The following FBXO38 variants were observed in gnomAD, a reference collection of about 807,000 sequenced individuals.
FBXO38 encodes the protein F-box only protein 38.
FBXO38 carries 53 observed loss-of-function variants against 131.9 expected under a neutral mutation model. The ratio of observed to expected loss-of-function variants is 0.40; its 90% confidence interval spans 0.32 to 0.51. FBXO38 has a LOEUF of 0.51. Ranked by LOEUF, FBXO38 falls within the 20% of genes least tolerant of loss-of-function variation. The pLI, the probability that FBXO38 is intolerant of heterozygous loss-of-function variation, is 0.53. For synonymous variants in FBXO38, 452 were observed against 505.6 expected, an observed-to-expected ratio of 0.89 and a Z score of 1.42; for missense variants, 1,076 against 1,475.6, an observed-to-expected ratio of 0.73 and a Z score of 4.44.
chr5:148,413,593 G>C (rs1752891517), intron 9 of FBXO38: 1 of 152,142 alleles, frequency 6.6e-6, no homozygotes, highest in African/African-American at 2.4e-5. Flanking sequence ...TGACCAGAGA[G>C]TAGGCACTAA....
intron 1 of FBXO38, among the ~76,000 whole-genome samples, chr5:148,385,816 C>G (rs1757885148): frequency 1.3e-5 from 2 of 152,102 alleles, no homozygotes; most frequent in South Asian, 4.2e-4. Flanking sequence ...CCAATAGAAA[C>G]TAAAGAAAGG....
At position 148,442,313 on chromosome 5, in the gene FBXO38, TA is replaced by T. The variant is rs1422927536; in HGVS notation, c.*172del. The T allele has an allele frequency of 6.6e-6, 3 of 454,314 alleles. No individual in the cohort carries two copies. The highest frequency in any genetic ancestry group is 2.0e-5 in the African/African-American group (1 of 50,244). The allele number at this position is 454,314 out of a possible 1,614,324, so 28.1% of individuals were successfully genotyped here. A position where few individuals can be genotyped will look rare whatever the true frequency, so the allele number is the denominator to read the frequency against. ...GAAATTGTATACAAAGATTTGTACA[TA>T]AAAAATATACAAAGACGCTTCCTAA... On this transcript the variant is annotated 3_prime_UTR_variant, in exon 22 of 22. Transcript: ENST00000340253.
intron 11 of FBXO38, chr5:148,416,759 C>A: frequency 2.0e-6 from 1 of 493,130 alleles, no homozygotes; most frequent in Middle Eastern, 5.5e-4. Context: ...TGCTGTTGGG[C>A]AGATCTCTTC....
In FBXO38 at chr5:148,427,683, C is replaced by T. The variant is rs750298327; in HGVS notation, c.2389C>T (p.Pro797Ser). The T allele has an allele frequency of 1.2e-6, 2 of 1,614,078 alleles. No homozygotes were observed. Among genetic ancestry groups the T allele is most frequent in the Non-Finnish European group, 1.7e-6 (2 of 1,180,040 alleles). ...TAGCAGGTGTTCTGATGAGGAACGT[C>T]CTTCAACCAGCCGAGCCTGTGTTGT... is the stretch of plus-strand genomic sequence containing the variant. ...RTSRCSDEER[P>S]STSRACVVNG... The change falls in exon 15 of 22, where the codon CCT (proline) becomes TCT (serine). Residue 797 changes from proline (P) to serine (S), a missense_variant. Coordinates refer to ENST00000340253, the MANE Select transcript of FBXO38 (RefSeq NM_205836.3).
intron 7 of FBXO38, among the ~76,000 whole-genome samples, chr5:148,406,731 C>A (rs1752464447): frequency 6.6e-6 from 1 of 152,052 alleles, no homozygotes; most frequent in South Asian, 2.1e-4. Flanking sequence ...TGATGTTTTA[C>A]AACTTGTACA....
chr5:148,393,609 A>G (rs182671556), intron 1 of FBXO38, among the ~76,000 whole-genome samples: 8 of 152,202 alleles, frequency 5.3e-5, no homozygotes, highest in East Asian at 3.9e-4. Flanking sequence ...TCCGTGTGCA[A>G]TTCTGAGCTC....
At chr5:148,384,280 G>A (rs994329932) in intron 1 of FBXO38, among the ~76,000 whole-genome samples, 3 of 152,216 alleles carry the variant, frequency 2.0e-5, no homozygotes, top group Non-Finnish European at 4.4e-5. Context: ...CCAAAATCCA[G>A]CATAAAGAAC....
intron 2 of FBXO38, among the ~76,000 whole-genome samples, chr5:148,397,149 G>C (rs1408955018): frequency 1.3e-5 from 2 of 152,120 alleles, no homozygotes; most frequent in Non-Finnish European, 2.9e-5. Context: ...ATTCATTGTG[G>C]TGGTGTAGTA....
chr5:148,395,019 T>G (rs986486631), intron 2 of FBXO38, 115 bp downstream of exon 2: 2 of 1,109,438 alleles, frequency 1.8e-6, no homozygotes, highest in Non-Finnish European at 2.5e-6. Flanking sequence ...TTCAATTAAG[T>G]AAAAATGTAA....
rs1434711875 is a variant in FBXO38, at chr5:148,414,232, A to G, written c.1190A>G (p.Glu397Gly). ...ITDIGMKAVN[E>G]VFSCIKYLAI... ...GATATAGGGATGAAAGCAGTCAATGAAGTTTTTTCCTGTATCAAATATCTG... is the reference window on the plus strand; with the variant it reads ...GATATAGGGATGAAAGCAGTCAATGGAGTTTTTTCCTGTATCAAATATCTG... Residue 397 changes from glutamate to glycine, a missense_variant, in exon 10 of 22, where the codon GAA becomes GGA. By Grantham distance (98) the Glu-to-Gly change is moderately conservative. Transcript: ENST00000340253. 3.1e-6 allele frequency: 5 copies of G among 1,612,992 alleles called. No homozygotes were observed. The highest frequency in any genetic ancestry group is 4.2e-6 in the Non-Finnish European group (5 of 1,179,444).
In FBXO38 at chr5:148,402,454, C is replaced by T. The variant is rs764581076; in HGVS notation, c.533C>T (p.Pro178Leu). The change falls in exon 5 of 22, where the codon CCT becomes CTT. Residue 178 changes from proline (P) to leucine (L), a missense_variant. By Grantham distance (98) the Pro-to-Leu change is moderately conservative (BLOSUM62 -3). Coordinates refer to ENST00000340253, the MANE Select transcript of FBXO38 (RefSeq NM_205836.3). ...FRNRNGAFPIPPENKLKIPIG... is the reference protein window; with the variant it reads ...FRNRNGAFPILPENKLKIPIG... ...AATCGTAATGGAGCTTTTCCAATTCCTCCTGAAAATAAACTGAAAATTCCT... is the reference window on the plus strand; with the variant it reads ...AATCGTAATGGAGCTTTTCCAATTCTTCCTGAAAATAAACTGAAAATTCCT... 1 of 1,612,444 alleles carries T rather than the reference C, an allele frequency of 6.2e-7. No homozygotes were observed. Among genetic ancestry groups the T allele is most frequent in the African/African-American group, 1.3e-5 (1 of 74,830 alleles).
chr5:148,400,405 A>G (rs949417328), intron 3 of FBXO38, among the ~76,000 whole-genome samples: 2 of 152,146 alleles, frequency 1.3e-5, no homozygotes, highest in African/African-American at 4.8e-5. Context: ...CAGAACTCCC[A>G]TGTGATATAG....
At chr5:148,441,280 T>C in intron 21 of FBXO38, 43 bp downstream of exon 21, 2 of 1,368,296 alleles carry the variant, frequency 1.5e-6, no homozygotes, top group Non-Finnish European at 2.1e-6. Context: ...AGTTTAAGTA[T>C]AGCCTACTGT....
chr5:148,396,499 T>C (rs1238486467), intron 2 of FBXO38, among the ~76,000 whole-genome samples: 1 of 152,200 alleles, frequency 6.6e-6, no homozygotes, highest in African/African-American at 2.4e-5. Context: ...TTTTATCTCA[T>C]GTCTTACAGC....
chr5:148,397,751 C>G (rs1758555434), intron 2 of FBXO38: 1 of 152,074 alleles, frequency 6.6e-6, no homozygotes, highest in South Asian at 2.1e-4. Flanking sequence ...GTTTGCCATT[C>G]CTGACCCTTT....
At chr5:148,412,322 A>G (rs1176725501) in intron 9 of FBXO38, among the ~76,000 whole-genome samples, 3 of 152,118 alleles carry the variant, frequency 2.0e-5, no homozygotes, top group Non-Finnish European at 4.4e-5. Flanking sequence ...GGACGATATC[A>G]TGAGGTCACT....
At chr5:148,392,670 G>A (rs986570418) in intron 1 of FBXO38, among the ~76,000 whole-genome samples, 1 of 151,350 alleles carries the variant, frequency 6.6e-6, no homozygotes, top group African/African-American at 2.4e-5. Flanking sequence ...CCAGGGAGAA[G>A]AGGGCTCGAG....
Position 148,438,348 on chromosome 5 carries a change from A to C in FBXO38, c.2874A>C (p.Val958=). The C allele has an allele frequency of 6.2e-7, 1 of 1,613,912 alleles. No individual in the cohort carries two copies. Among genetic ancestry groups the C allele is most frequent in the Non-Finnish European group, 8.5e-7 (1 of 1,179,798 alleles). Reference sequence around the variant, plus strand: ...ATTTTGTAGCTACCAGGTGCAGGGTACTAAAACATTTAAAGGTAGAAAATG... The same window carrying C: ...ATTTTGTAGCTACCAGGTGCAGGGTCCTAAAACATTTAAAGGTAGAAAATG... ...MMFIHATRCR[V]LKHLKVENAP... The change falls in exon 18 of 22, where the codon GTA becomes GTC. Residue 958 remains valine, a synonymous_variant. Coordinates refer to ENST00000340253, the MANE Select transcript of FBXO38 (RefSeq NM_205836.3).
At chr5:148,394,358 AT>A (rs554484537) in intron 1 of FBXO38, among the ~76,000 whole-genome samples, 92 of 152,288 alleles carry the variant, frequency 6.0e-4, no homozygotes, top group African/African-American at 2.1e-3. Flanking sequence ...AGAGGTTTTG[AT>A]TCCTCATTTA....
Sources: allele counts gnomAD v4.1 joint callset (sites outside exome capture counted in the v4.1 genomes callset), GRCh38; gene constraint gnomAD v4.1.1; transcripts MANE v1.5; gene names NCBI Gene and HGNC (gene_info 2026-07-23, HGNC 2026-07-21).